MYO5B: variants seen among roughly 807,000 people sequenced by gnomAD.
MYO5B encodes the protein myosin VB.
Under a neutral mutation model 229.3 loss-of-function variants are expected in MYO5B, and 143 were observed. The ratio of observed to expected loss-of-function variants is 0.62; its 90% CI spans 0.54 to 0.72. The LOEUF (loss-of-function observed/expected upper bound fraction) is 0.72. Among genes scored for constraint, MYO5B ranks in the 30% least tolerant of loss-of-function variants. The probability of loss-of-function intolerance (pLI) is 0.00; values close to 1 mark genes in which losing one functional copy is unlikely to be tolerated. For synonymous variants in MYO5B, 918 were observed against 885.2 expected, an observed-to-expected ratio of 1.04 and a Z score of -0.66; for missense variants, 2,321 against 2,331.0, an observed-to-expected ratio of 1.00 and a Z score of 0.09.
rs1407928244 is a variant in MYO5B at position 49,863,389 on chromosome 18, TACAA to T, written c.3844-66_3844-63del. On this transcript the variant is annotated intron_variant, in intron 28 of 39. Transcript: ENST00000285039. ...ACAATTGCCACAAAATGGCTTTATA[TACAA>T]ACAGGTATAAAAACATGCCTTTGGG... is the stretch of plus-strand genomic sequence containing the variant. 2.9e-6 allele frequency: 4 copies of T among 1,384,084 alleles called. No individual in the cohort carries two copies. The African/African-American group carries it at 5.7e-5, about 20-fold the overall frequency. 85.7% of individuals were successfully genotyped at this position (1,384,084 alleles called of 1,614,324 possible). A position where few individuals can be genotyped will look rare whatever the true frequency, so the allele number is the denominator to read the frequency against.
At chr18:50,084,326 C>A (rs2031282836) in intron 1 of MYO5B, among the ~76,000 whole-genome samples, 2 of 152,178 alleles carry the variant, frequency 1.3e-5, no homozygotes, top group Admixed American at 1.3e-4. Flanking sequence ...TTACTACTCT[C>A]TCTAGAGTTA....
intron 9 of MYO5B, among the ~76,000 whole-genome samples, 183 bp from the exon 10 acceptor site, chr18:49,974,798 GAC>G (rs10680505): frequency 1.9e-4 from 25 of 131,094 alleles, no homozygotes; most frequent in African/African-American, 6.7e-4. Context: ...CACACACACA[GAC>G]ACACACACAC....
chr18:50,115,751 T>C (rs2144523367), intron 1 of MYO5B, among the ~76,000 whole-genome samples: 1 of 151,696 alleles, frequency 6.6e-6, no homozygotes, highest in African/African-American at 2.4e-5. Context: ...TCTGGCCTCA[T>C]ATGTTAGGGA....
chr18:50,049,882 AGACGGTGGT>A (rs1418346207), intron 2 of MYO5B, among the ~76,000 whole-genome samples: 2 of 152,230 alleles, frequency 1.3e-5, no homozygotes, highest in Non-Finnish European at 2.9e-5. Context: ...AGCTGCAGAC[AGACGGTGGT>A]GATGGTCACA....
intron 1 of MYO5B, among the ~76,000 whole-genome samples, chr18:50,152,383 C>A (rs1218061907): frequency 6.6e-6 from 1 of 152,212 alleles, no homozygotes; most frequent in East Asian, 1.9e-4. Context: ...GGTTAAGAAA[C>A]TAAAGTCGTC....
intron 26 of MYO5B, among the ~76,000 whole-genome samples, chr18:49,874,585 A>G (rs989270856): frequency 6.6e-6 from 1 of 152,252 alleles, no homozygotes; most frequent in African/African-American, 2.4e-5. Flanking sequence ...CCAGCAATAT[A>G]GATCAGAATC....
chr18:49,836,901 A>T lies in MYO5B; in HGVS notation c.5139-16T>A. The T allele has an allele frequency of 1.2e-6, 2 of 1,613,448 alleles. No individual in the cohort carries two copies. Among genetic ancestry groups the T allele is most frequent in the Non-Finnish European group, 1.7e-6 (2 of 1,179,620 alleles). ...TATATTGTACCTTAGCCATAGGTAG[A>T]AAGCAAGCTATGTTAAGCCGGTCCT... On this transcript the variant is annotated splice_polypyrimidine_tract_variant and intron_variant, in intron 37 of 39. Coordinates refer to ENST00000285039, the MANE Select transcript of MYO5B (RefSeq NM_001080467.3).
At chr18:50,149,361 G>A (rs1159903432) in intron 1 of MYO5B, among the ~76,000 whole-genome samples, 1 of 151,616 alleles carries the variant, frequency 6.6e-6, no homozygotes, top group South Asian at 2.1e-4. Flanking sequence ...AACCAAAAAA[G>A]AGCCCACATC....
chr18:49,867,522 T>C (rs2144086310), intron 27 of MYO5B, among the ~76,000 whole-genome samples: 1 of 152,244 alleles, frequency 6.6e-6, no homozygotes, highest in South Asian at 2.1e-4. Flanking sequence ...ATGCTTCCGA[T>C]TTCCTGTCCC....
intron 2 of MYO5B, among the ~76,000 whole-genome samples, chr18:50,040,922 T>C (rs978120749): frequency 4.6e-5 from 7 of 152,196 alleles, no homozygotes; most frequent in African/African-American, 1.7e-4. Context: ...CGAGGTGTTA[T>C]CCTTGTATTC....
At chr18:49,872,064 G>A (rs1342197735) in intron 27 of MYO5B, 103 bp downstream of exon 27, 3 of 1,102,044 alleles carry the variant, frequency 2.7e-6, no homozygotes, top group African/African-American at 1.5e-5. Context: ...TGCTCTCCTT[G>A]TTAGCAGACT....
rs1329999854 is a variant in MYO5B at position 49,849,959 on chromosome 18, G to A, written c.4222-299C>T. 4.4e-5 allele frequency: 19 copies of A among 429,944 alleles called. No homozygotes were observed. In the East Asian group the frequency reaches 9.1e-4, roughly 21 times the overall value. 26.6% of individuals were successfully genotyped at this position (429,944 alleles called of 1,614,324 possible). ...TCCCCAAGCCAAGCCTCCTCCGGTT[G>A]CCATGCCAACCCCCCAGGAGACACA... On this transcript the variant is annotated intron_variant, in intron 31 of 39. Transcript: ENST00000285039.
chr18:49,874,013 C>A (rs937487227), intron 26 of MYO5B, among the ~76,000 whole-genome samples: 6 of 152,202 alleles, frequency 3.9e-5, no homozygotes, highest in African/African-American at 1.4e-4. Context: ...CAGGATCCCT[C>A]TTTGGACCAA....
chr18:49,952,974 T>C (rs895707737), intron 14 of MYO5B, among the ~76,000 whole-genome samples: 4 of 151,858 alleles, frequency 2.6e-5, no homozygotes, highest in African/African-American at 7.3e-5. Flanking sequence ...TGCTCCCCTA[T>C]CCCCTCCATT....
intron 1 of MYO5B, among the ~76,000 whole-genome samples, chr18:50,105,346 G>T (rs1281356093): frequency 6.6e-6 from 1 of 152,154 alleles, no homozygotes; most frequent in Non-Finnish European, 1.5e-5. Flanking sequence ...TGTTCAGAGT[G>T]ATGTGAAAGC....
chr18:49,992,357 G>A lies in MYO5B; in HGVS notation c.687C>T (p.Asp229=). ...RFGKYIQIGF[D]KRYHIIGANM... The stretch of plus-strand genomic sequence containing the variant: ...TGGCCCCGATGATGTGGTACCTTTT[G>A]TCAAAGCCAATCTGGATGTACTTGC... Residue 229 remains aspartate, a synonymous_variant, in exon 6 of 40, where the codon GAC becomes GAT. Transcript: ENST00000285039. The A allele has an allele frequency of 1.2e-6, 2 of 1,614,174 alleles. No homozygotes were observed. Among genetic ancestry groups the A allele is most frequent in the Non-Finnish European group, 8.5e-7 (1 of 1,180,026 alleles).
At chr18:49,931,465 C>T (rs142228530) in intron 16 of MYO5B, among the ~76,000 whole-genome samples, 73 of 152,340 alleles carry the variant, frequency 4.8e-4, no homozygotes, top group African/African-American at 1.6e-3. Context: ...CACAACGGAA[C>T]ACTGATTTAC....
At chr18:49,995,688 G>A (rs531482167) in intron 5 of MYO5B, among the ~76,000 whole-genome samples, 2 of 152,120 alleles carry the variant, frequency 1.3e-5, no homozygotes, top group African/African-American at 4.8e-5. Context: ...AGTTGGTAAG[G>A]GGACGTTTCT....
In MYO5B at chr18:49,938,045, T is replaced by C. The variant is rs151107334; in HGVS notation, c.1753-648A>G. Among the ~76,000 whole-genome samples, 521 of 152,324 alleles carry C rather than the reference T, an allele frequency of 3.4e-3. 2 individuals are homozygous for C. Among genetic ancestry groups the C allele is most frequent in the African/African-American group, 0.012 (487 of 41,560 alleles). On this transcript the variant is annotated intron_variant, in intron 14 of 39. Coordinates refer to ENST00000285039, the MANE Select transcript of MYO5B (RefSeq NM_001080467.3). ...TGGTAGGAAAAAAGTTGCTTTCCCA[T>C]ACAATCTCACTCAATCTTCACCTGC...
Sources: allele counts gnomAD v4.1 joint callset (sites outside exome capture counted in the v4.1 genomes callset), GRCh38; gene constraint gnomAD v4.1.1; transcripts MANE v1.5; gene names NCBI Gene and HGNC (gene_info 2026-07-23, HGNC 2026-07-21).